The following SHISA6 variants were observed in gnomAD, a reference collection of about 807,000 sequenced individuals.
SHISA6 encodes shisa family member 6.
In SHISA6, 22 loss-of-function variants were observed where a neutral mutation model predicts 47.9. That is an observed-to-expected ratio of 0.46 (90% CI 0.33 to 0.66). The LOEUF (loss-of-function observed/expected upper bound fraction) is 0.66. Ranked by LOEUF, SHISA6 falls within the 30% of genes least tolerant of loss-of-function variation. The pLI, the probability that SHISA6 is intolerant of heterozygous loss-of-function variation, is 0.02. For synonymous variants in SHISA6, 388 were observed against 337.8 expected (o/e 1.15, Z -1.63); for missense variants, 680 against 764.6 (o/e 0.89, Z 1.30).
chr17:11,383,827 T>C (rs1295452610), intron 3 of SHISA6, among the ~76,000 whole-genome samples: 2 of 152,174 alleles, frequency 1.3e-5, no homozygotes, highest in African/African-American at 2.4e-5. Context: ...TGAATGACCA[T>C]GAGTTTAGGC....
At chr17:11,416,887 TTCACTATGCAAACACA>T (rs1488226259) in intron 3 of SHISA6, among the ~76,000 whole-genome samples, 1 of 152,158 alleles carries the variant, frequency 6.6e-6, no homozygotes, top group Non-Finnish European at 1.5e-5. Context: ...AAGGTAAGTA[TTCACTATGCAAACACA>T]AAATCTTCAT....
At chr17:11,547,987 T>C (rs1352110304) in intron 3 of SHISA6, among the ~76,000 whole-genome samples, 3 of 152,228 alleles carry the variant, frequency 2.0e-5, no homozygotes, top group African/African-American at 7.2e-5. Flanking sequence ...TATGCAAGGA[T>C]TGTGTTGCCA....
chr17:11,249,121 G>C (rs1907701685), intron 1 of SHISA6, among the ~76,000 whole-genome samples: 1 of 141,850 alleles, frequency 7.0e-6, no homozygotes, highest in South Asian at 2.2e-4. Context: ...CTGGGCAACA[G>C]AGCGAGACTC....
chr17:11,276,759 T>C (rs1244763473), intron 2 of SHISA6, among the ~76,000 whole-genome samples: 1 of 152,084 alleles, frequency 6.6e-6, no homozygotes, highest in Non-Finnish European at 1.5e-5. Context: ...ACGACCATCA[T>C]CACCATCATC....
At chr17:11,321,084 A>G (rs569183964) in intron 2 of SHISA6, among the ~76,000 whole-genome samples, 154 of 152,338 alleles carry the variant, frequency 1.0e-3, no homozygotes, top group African/African-American at 3.6e-3. Flanking sequence ...GGGATGAAGT[A>G]TTTATGAAGC....
intron 3 of SHISA6, among the ~76,000 whole-genome samples, chr17:11,440,341 A>T (rs1176292553): frequency 6.6e-6 from 1 of 152,142 alleles, no homozygotes; most frequent in African/African-American, 2.4e-5. Flanking sequence ...AGTAGAGGGG[A>T]TATAAAGGAA....
At chr17:11,513,253 T>C (rs2071556742) in intron 3 of SHISA6, among the ~76,000 whole-genome samples, 1 of 151,488 alleles carries the variant, frequency 6.6e-6, no homozygotes, top group South Asian at 2.1e-4. Flanking sequence ...TACGTATATA[T>C]GCACATAAGA....
intron 3 of SHISA6, among the ~76,000 whole-genome samples, chr17:11,477,386 C>G (rs1336456161): frequency 6.6e-6 from 1 of 152,022 alleles, no homozygotes; most frequent in Non-Finnish European, 1.5e-5. Flanking sequence ...TTACATGATT[C>G]TATTTTCTCT....
chr17:11,403,922 G>T (rs922542733), intron 3 of SHISA6, among the ~76,000 whole-genome samples: 1 of 152,190 alleles, frequency 6.6e-6, no homozygotes, highest in African/African-American at 2.4e-5. Flanking sequence ...GAACACAGTT[G>T]CTTGGATGCC....
intron 2 of SHISA6, among the ~76,000 whole-genome samples, chr17:11,353,955 C>G (rs1232911795): frequency 6.6e-6 from 1 of 152,080 alleles, no homozygotes; most frequent in Non-Finnish European, 1.5e-5. Context: ...AAGAGAACCC[C>G]CTACTCCAGG....
intron 3 of SHISA6, among the ~76,000 whole-genome samples, chr17:11,494,528 T>G (rs1271534721): frequency 6.6e-6 from 1 of 152,210 alleles, no homozygotes; most frequent in East Asian, 1.9e-4. Flanking sequence ...GTGAAAACAG[T>G]TGCACCAAGT....
intron 3 of SHISA6, among the ~76,000 whole-genome samples, chr17:11,436,600 A>C (rs1157574342): frequency 6.6e-6 from 1 of 152,110 alleles, no homozygotes; most frequent in African/African-American, 2.4e-5. Context: ...TACTTGTTTA[A>C]TGTGCTTTTT....
At chr17:11,490,117 T>C (rs939568677) in intron 3 of SHISA6, among the ~76,000 whole-genome samples, 3 of 152,282 alleles carry the variant, frequency 2.0e-5, no homozygotes, top group East Asian at 3.9e-4. Flanking sequence ...AGGACATCCC[T>C]TCTTGCCAGC....
chr17:11,448,171 G>A (rs148222689), intron 3 of SHISA6, among the ~76,000 whole-genome samples: 1 of 152,260 alleles, frequency 6.6e-6, no homozygotes, highest in African/African-American at 2.4e-5. Context: ...CTAAGCTCTG[G>A]GAACTTCCCC....
chr17:11,534,615 C>T (rs558629873), intron 3 of SHISA6, among the ~76,000 whole-genome samples: 12 of 152,020 alleles, frequency 7.9e-5, no homozygotes, highest in Middle Eastern at 3.4e-3. Flanking sequence ...GAGGAGAGTT[C>T]ACAGTAAAGA....
Position 11,245,020 on chromosome 17 carries a change from G to T in SHISA6, c.638+2960G>T, listed in dbSNP as rs115970902. 7.7e-3 allele frequency among the ~76,000 whole-genome samples: 1,180 copies of T among 152,280 alleles called. 19 individuals are homozygous for T. The highest frequency in any genetic ancestry group is 0.025 in the African/African-American group (1,032 of 41,556). On this transcript the variant is annotated intron_variant, in intron 1 of 5. Coordinates refer to ENST00000441885, the MANE Select transcript of SHISA6 (RefSeq NM_207386.4). ...CATGCACACACATTCCTTAGGGTAG[G>T]ACTTCCTTTCATCTCTCTACTCCTT...
intron 3 of SHISA6, among the ~76,000 whole-genome samples, chr17:11,431,929 A>G (rs188617837): frequency 5.6e-4 from 86 of 152,284 alleles, no homozygotes; most frequent in African/African-American, 2.0e-3. Flanking sequence ...GGCCTGTCCA[A>G]CCACCCCCAC....
At chr17:11,291,174 G>A (rs1283640207) in intron 2 of SHISA6, among the ~76,000 whole-genome samples, 1 of 152,012 alleles carries the variant, frequency 6.6e-6, no homozygotes, top group Non-Finnish European at 1.5e-5. Context: ...TCGGGACGGG[G>A]AGAGAGAATA....
chr17:11,253,115 A>G (rs938622165), intron 1 of SHISA6, among the ~76,000 whole-genome samples: 3 of 152,022 alleles, frequency 2.0e-5, no homozygotes, highest in African/African-American at 7.2e-5. Context: ...TCTTCGTGTC[A>G]CTTTCGGTGT....
Sources: allele counts gnomAD v4.1 joint callset (sites outside exome capture counted in the v4.1 genomes callset), GRCh38; gene constraint gnomAD v4.1.1; transcripts MANE v1.5; gene names NCBI Gene and HGNC (gene_info 2026-07-23, HGNC 2026-07-21).